The following ASH1L variants were observed in gnomAD, a reference collection of about 807,000 sequenced individuals.
ASH1L encodes the protein histone-lysine N-methyltransferase ASH1L.
ASH1L carries 23 observed loss-of-function variants against 269.0 expected under a neutral mutation model. That is an observed-to-expected ratio of 0.09 (90% confidence interval 0.06 to 0.12). The LOEUF is 0.12. Among genes scored for constraint, ASH1L ranks in the 10% least tolerant of loss-of-function variants. The pLI, the probability that ASH1L is intolerant of heterozygous loss-of-function variation, is 1.00. For missense variants in ASH1L, 2,912 were observed against 3,567.8 expected, an observed-to-expected ratio of 0.82 and a Z score of 4.68; for synonymous variants, 1,187 against 1,253.5, an observed-to-expected ratio of 0.95 and a Z score of 1.12.
chr1:155,522,987 A>C (rs530807050), intron 1 of ASH1L, among the ~76,000 whole-genome samples: 1 of 152,030 alleles, frequency 6.6e-6, no homozygotes, highest in Non-Finnish European at 1.5e-5. Flanking sequence ...CACCGTGCCC[A>C]GCCAGAGACT....
intron 1 of ASH1L, among the ~76,000 whole-genome samples, chr1:155,554,937 G>A (rs905309708): frequency 1.3e-5 from 2 of 151,866 alleles, no homozygotes; most frequent in African/African-American, 4.8e-5. Flanking sequence ...AAGGTCAGAA[G>A]TTAGAGATCA....
chr1:155,547,355 C>T (rs185383073), intron 1 of ASH1L, among the ~76,000 whole-genome samples: 12 of 151,536 alleles, frequency 7.9e-5, no homozygotes, highest in Admixed American at 7.9e-4. Context: ...TTTACAATAG[C>T]GAAGACATGG....
At chr1:155,449,743 TCTC>T (rs1426285903) in intron 4 of ASH1L, among the ~76,000 whole-genome samples, 1 of 152,006 alleles carries the variant, frequency 6.6e-6, no homozygotes, top group African/African-American at 2.4e-5. Context: ...ATGATCTCGA[TCTC>T]CTGACCTCAT....
intron 1 of ASH1L, among the ~76,000 whole-genome samples, chr1:155,547,623 T>A (rs1379697418): frequency 6.6e-6 from 1 of 151,504 alleles, no homozygotes; most frequent in African/African-American, 2.4e-5. Context: ...CTCGGGAAGC[T>A]GAGGCAGGAG....
chr1:155,453,629 A>G (rs545554890), intron 4 of ASH1L, among the ~76,000 whole-genome samples: 2 of 151,840 alleles, frequency 1.3e-5, no homozygotes, highest in African/African-American at 4.8e-5. Context: ...GTGAAACCCC[A>G]TCTCTACTAA....
At chr1:155,526,726 C>A (rs1669287290) in intron 1 of ASH1L, among the ~76,000 whole-genome samples, 1 of 152,196 alleles carries the variant, frequency 6.6e-6, no homozygotes, top group African/African-American at 2.4e-5. Context: ...TACCTACCTT[C>A]CTACCTGTGT....
chr1:155,369,921 T>C (rs1655780199), intron 12 of ASH1L, among the ~76,000 whole-genome samples: 1 of 152,028 alleles, frequency 6.6e-6, no homozygotes, highest in Non-Finnish European at 1.5e-5. Context: ...AGGTGCACGC[T>C]ACCATGAGTG....
Position 155,349,337 on chromosome 1 carries a change from C to T in ASH1L, c.7544G>A (p.Arg2515Gln). 1.9e-6 allele frequency: 3 copies of T among 1,612,058 alleles called. No homozygotes were observed. Among genetic ancestry groups the T allele is most frequent in the Admixed American group, 1.7e-5 (1 of 59,848 alleles). ...AFDADMLKVF[R>Q]NAEKYYGRKS... The stretch of plus-strand genomic sequence containing the variant: ...GTCAGTGAAAAATACCTCAGCATTC[C>T]GAAAGACTTTGAGCATGTCAGCATC... Residue 2515 changes from arginine to glutamine, a missense_variant, in exon 19 of 28, where the codon CGG becomes CAG. Arg to Gln is a conservative substitution (Grantham distance 43). Around this residue, in one of 13 missense-constraint regions of ASH1L, gnomAD observed 309 missense variants for 435.1 expected, o/e 0.71. Transcript: ENST00000392403.
At chr1:155,371,854 C>T (rs1030492635) in intron 10 of ASH1L, among the ~76,000 whole-genome samples, 2 of 151,600 alleles carry the variant, frequency 1.3e-5, no homozygotes, top group African/African-American at 2.4e-5. Context: ...TCACCACACC[C>T]GGCTATTTTT....
chr1:155,549,586 T>C (rs914635145), intron 1 of ASH1L, among the ~76,000 whole-genome samples: 6 of 150,142 alleles, frequency 4.0e-5, no homozygotes, highest in African/African-American at 1.2e-4. Context: ...GATCGTGCCA[T>C]TGCACTCCAG....
chr1:155,403,216 A>C (rs1162344733), intron 6 of ASH1L, among the ~76,000 whole-genome samples: 4 of 151,996 alleles, frequency 2.6e-5, no homozygotes, highest in Non-Finnish European at 5.9e-5. Flanking sequence ...GGTGGTGCAA[A>C]TGCCTCTAAT....
In ASH1L at chr1:155,347,685, C is replaced by T; in HGVS notation, c.7774G>A (p.Gly2592Ser). 6.2e-7 allele frequency: 1 copy of T among 1,614,120 alleles called. No homozygotes were observed. ...RCICGLYKDEGLMIQCDKCMV... is the reference protein window; with the variant it reads ...RCICGLYKDESLMIQCDKCMV... ...CACTTGTCACACTGGATCATGAGAC[C>T]TTCATCCTTGTAGAGGCCACAGATA... Residue 2592 changes from glycine (G) to serine (S), a missense_variant, in exon 20 of 28, where the codon GGT becomes AGT. Transcript: ENST00000392403.
At chr1:155,391,445 T>C (rs1213967879) in intron 7 of ASH1L, among the ~76,000 whole-genome samples, 1 of 152,214 alleles carries the variant, frequency 6.6e-6, no homozygotes, top group African/African-American at 2.4e-5. Context: ...ATATTTTCCT[T>C]TACATCCTTG....
rs777505210 is a variant in ASH1L at position 155,438,586 on chromosome 1, G to A, written c.5569C>T (p.Pro1857Ser). ...TGCATTGATACGACAGCCTGAAGGGGACATTTCCGAGGTCGACCTGGCCTA... is the reference window on the plus strand; with the variant it reads ...TGCATTGATACGACAGCCTGAAGGGAACATTTCCGAGGTCGACCTGGCCTA... ...KRRPGRPRKC[P>S]LQAVVSMQAF... is the part of the protein sequence containing the mutation. Residue 1857 changes from proline (P) to serine (S), a missense_variant, in exon 5 of 28, where the codon CCC (proline) becomes TCC (serine). By Grantham distance (74) the Pro-to-Ser change is moderately conservative. Coordinates refer to ENST00000392403, the MANE Select transcript of ASH1L (RefSeq NM_018489.3). 3 of 1,614,044 alleles carry A rather than the reference G, an allele frequency of 1.9e-6. No homozygotes were observed. In the African/African-American group the frequency reaches 4.0e-5, roughly 22 times the overall value.
At chr1:155,411,568 AAT>A (rs1659764530) in intron 6 of ASH1L, among the ~76,000 whole-genome samples, 1 of 72,302 alleles carries the variant, frequency 1.4e-5, no homozygotes, top group African/African-American at 4.9e-5. Context: ...TATAAATATG[AAT>A]ATAAATAAAT....
intron 4 of ASH1L, among the ~76,000 whole-genome samples, chr1:155,446,904 T>C (rs1004319555): frequency 3.3e-5 from 5 of 152,358 alleles, no homozygotes; most frequent in Admixed American, 3.3e-4. Context: ...CGCCCGGCGC[T>C]ACATTTCAGT....
chr1:155,549,619 A>G (rs1157171572), intron 1 of ASH1L, among the ~76,000 whole-genome samples: 2 of 147,464 alleles, frequency 1.4e-5, no homozygotes, highest in African/African-American at 2.6e-5. Context: ...AGCAAGACTC[A>G]GTCTCAAAAA....
chr1:155,458,373 A>C (rs1358097275), intron 4 of ASH1L, among the ~76,000 whole-genome samples: 3 of 152,210 alleles, frequency 2.0e-5, no homozygotes, highest in Non-Finnish European at 4.4e-5. Context: ...AACTGTGTTT[A>C]AGGCTCTACA....
At chr1:155,563,181 G>T, upstream of ASH1L, 1 of 456,530 alleles carries the variant, frequency 2.2e-6, no homozygotes, top group Non-Finnish European at 4.4e-6. Context: ...TCTGCCCACC[G>T]GTGGTTGGAG....
Sources: allele counts gnomAD v4.1 joint callset (sites outside exome capture counted in the v4.1 genomes callset), GRCh38; gene constraint gnomAD v4.1.1; regional missense constraint gnomAD v4.1.1; transcripts MANE v1.5; gene names NCBI Gene and HGNC (gene_info 2026-07-23, HGNC 2026-07-21).